MYH6: variants seen among roughly 807,000 people sequenced by gnomAD.
The protein encoded by MYH6 is myosin heavy chain 6.
MYH6 carries 126 observed loss-of-function variants against 223.2 expected under a neutral mutation model. The ratio of observed to expected loss-of-function variants is 0.56; its 90% CI spans 0.49 to 0.65. The LOEUF (loss-of-function observed/expected upper bound fraction) is 0.65, where lower values mean the gene tolerates loss of function less well. Among genes scored for constraint, MYH6 ranks in the 30% least tolerant of loss-of-function variants. The pLI is 0.00. For synonymous variants in MYH6, 978 were observed against 1,010.2 expected (o/e 0.97, Z 0.61); for missense variants, 2,040 against 2,536.4 (o/e 0.80, Z 4.20).
In MYH6 at chr14:23,402,496, C is replaced by T. The variant is rs141083503; in HGVS notation, c.1109G>A (p.Arg370Gln). Residue 370 changes from arginine (R) to glutamine (Q), a missense_variant, in exon 12 of 39, where the codon CGG becomes CAG. Arg to Gln is a conservative substitution (Grantham distance 43). Around this residue, in one of 4 missense-constraint regions of MYH6, gnomAD observed 649 missense variants for 877.3 expected, o/e 0.74. Transcript: ENST00000405093. The part of the protein sequence containing the change: ...YGNMKFKQKQ[R>Q]EEQAEPDGTE... ...GCCGTCTGGCTCCGCCTGCTCCTCCCGCTGCTTCTGCTTGAACTTCATGTT... is the reference window on the plus strand; with the variant it reads ...GCCGTCTGGCTCCGCCTGCTCCTCCTGCTGCTTCTGCTTGAACTTCATGTT... The T allele has an allele frequency of 9.3e-6, 15 of 1,613,532 alleles. No homozygotes were observed. Among genetic ancestry groups the T allele is most frequent in the African/African-American group, 1.3e-5 (1 of 74,794 alleles).
intron 14 of MYH6, chr14:23,399,900 C>T: frequency 2.8e-6 from 1 of 360,470 alleles, no homozygotes; most frequent in Non-Finnish European, 5.4e-6. Context: ...TGGCTTATTT[C>T]TCAACCAACA....
intron 34 of MYH6, 76 bp from the exon 35 acceptor site, chr14:23,385,117 G>T: frequency 6.3e-7 from 1 of 1,587,160 alleles, no homozygotes; most frequent in East Asian, 2.2e-5. Flanking sequence ...TCTCCAGAAA[G>T]AATTAAAGGT....
rs773772551 is a variant in MYH6, at chr14:23,397,081, C to T, written c.2051-1G>A. On this transcript the variant is annotated splice_acceptor_variant, in intron 17 of 38. Transcript: ENST00000405093. LOFTEE classifies it high-confidence loss of function. The stretch of plus-strand genomic sequence containing the variant: ...ATGACCAGGGGGTTGTCCATCACCC[C>T]TGTGTCAGGAGGGAAGGGGAAAGGG... 1.4e-5 allele frequency: 22 copies of T among 1,614,114 alleles called. No homozygotes were observed. The highest frequency in any genetic ancestry group is 2.7e-5 in the African/African-American group (2 of 74,936).
At chr14:23,385,111 C>A (rs1024538309) in intron 34 of MYH6, 70 bp from the exon 35 acceptor site, 1 of 1,601,426 alleles carries the variant, frequency 6.2e-7, no homozygotes, top group Non-Finnish European at 8.5e-7. Context: ...ACCCTTTCTC[C>A]AGAAAGAATT....
At chr14:23,388,079 T>C in intron 30 of MYH6, 76 bp downstream of exon 30, 2 of 1,610,504 alleles carry the variant, frequency 1.2e-6, no homozygotes, top group South Asian at 1.1e-5. Context: ...TCCAAGGAGG[T>C]TGCCTTTGGC....
chr14:23,386,649 G>GGC, intron 32 of MYH6, 26 bp from the exon 33 acceptor site: 18 of 1,240,062 alleles, frequency 1.5e-5, no homozygotes, highest in Non-Finnish European at 1.7e-5. Flanking sequence ...GCGAGGGCGG[G>GGC]CAGACAGGGC....
At chr14:23,398,677 C>G in intron 15 of MYH6, 51 bp downstream of exon 15, 1 of 1,595,982 alleles carries the variant, frequency 6.3e-7, no homozygotes, top group Non-Finnish European at 8.6e-7. Flanking sequence ...GGACCCTGGC[C>G]CTTTGTGTCT....
rs750029272 is a variant in MYH6 at position 23,405,659 on chromosome 14, G to T, written c.313C>A (p.Leu105Ile). 6.2e-6 allele frequency: 10 copies of T among 1,614,100 alleles called. No homozygotes were observed. The South Asian group carries it at 8.8e-5, about 14-fold the overall frequency. Residue 105 changes from leucine (L) to isoleucine (I), a missense_variant, in exon 4 of 39, where the codon CTC (leucine) becomes ATC (isoleucine). Coordinates refer to ENST00000405093, the MANE Select transcript of MYH6 (RefSeq NM_002471.4). The surrounding 1 kb of genome is among the most constrained non-coding windows in gnomAD (Gnocchi z 4.7). Reference sequence around the variant, plus strand: ...ATCCAGGCCGCGTAGCGCTCCTTGAGGTTGAAAAGCACCGCGGGCTCGTGC... The same window carrying T: ...ATCCAGGCCGCGTAGCGCTCCTTGATGTTGAAAAGCACCGCGGGCTCGTGC... ...FLHEPAVLFN[L>I]KERYAAWMIY...
At chr14:23,397,344 G>A (rs1891430289) in intron 16 of MYH6, 87 bp from the exon 17 acceptor site, 4 of 1,394,390 alleles carry the variant, frequency 2.9e-6, no homozygotes, top group Non-Finnish European at 4.1e-6. Flanking sequence ...CTCTCCACCA[G>A]AATCATCAAA....
chr14:23,388,884 G>C lies in MYH6; in HGVS notation c.4150C>G (p.Arg1384Gly). The C allele has an allele frequency of 2.5e-6, 4 of 1,613,768 alleles. No homozygotes were observed. The highest frequency in any genetic ancestry group is 3.4e-6 in the Non-Finnish European group (4 of 1,180,040). ...TTGGCCTCTTCGAGCTCCTCAGTCCGCTGAATGGCGTCCGTCTCATACTTG... is the reference window on the plus strand; with the variant it reads ...TTGGCCTCTTCGAGCTCCTCAGTCCCCTGAATGGCGTCCGTCTCATACTTG... Reference protein sequence around the residue: ...RTKYETDAIQRTEELEEAKKK... With the variant: ...RTKYETDAIQGTEELEEAKKK... The change falls in exon 29 of 39, where the codon CGG (arginine) becomes GGG (glycine). Residue 1384 changes from arginine (R) to glycine (G), a missense_variant. Arg to Gly is a moderately radical substitution (Grantham distance 125). This residue lies in a region of MYH6 where 1,203 missense variants were observed against 1,400.2 expected (regional missense o/e 0.86). Coordinates refer to ENST00000405093, the MANE Select transcript of MYH6 (RefSeq NM_002471.4).
At position 23,390,402 on chromosome 14, in the gene MYH6, G is replaced by A. The variant is rs759574705; in HGVS notation, c.3387C>T (p.Thr1129=). ...GCAGCTTCTCCACCTTAGCCCTGGCGGTGCGCTCGGCCTCCAGCTCCTCCT... is the reference window on the plus strand; with the variant it reads ...GCAGCTTCTCCACCTTAGCCCTGGCAGTGCGCTCGGCCTCCAGCTCCTCCT... The part of the protein sequence containing the change: ...ELEEELEAER[T]ARAKVEKLRS... Residue 1129 remains threonine, a synonymous_variant, in exon 26 of 39, where the codon ACC becomes ACT. Transcript: ENST00000405093. The A allele has an allele frequency of 6.8e-6, 11 of 1,610,796 alleles. No individual in the cohort carries two copies. The highest frequency in any genetic ancestry group is 1.3e-5 in the African/African-American group (1 of 74,808).
intron 36 of MYH6, among the ~76,000 whole-genome samples, chr14:23,383,602 T>C (rs1890927959): frequency 1.3e-5 from 2 of 152,244 alleles, no homozygotes; most frequent in South Asian, 2.1e-4. Flanking sequence ...TGTGGTAATA[T>C]AAAAGCACCA....
Position 23,398,779 on chromosome 14 carries a change from A to C in MYH6, c.1840T>G (p.Ser614Ala), listed in dbSNP as rs780968464. 2 of 1,614,030 alleles carry C rather than the reference A, an allele frequency of 1.2e-6. No homozygotes were observed. Among genetic ancestry groups the C allele is most frequent in the African/African-American group, 2.7e-5 (2 of 74,902 alleles). The change falls in exon 15 of 39, where the codon TCC becomes GCC. Residue 614 changes from serine to alanine, a missense_variant. Physicochemically the swap from Ser to Ala is moderately conservative, Grantham distance 99. Transcript: ENST00000405093. Reference protein sequence around the residue: ...ETVVALYQKSSLKLMATLFSS... With the variant: ...ETVVALYQKSALKLMATLFSS... Reference sequence around the variant, plus strand: ...AAGAGAGTGGCCATGAGCTTGAGGGAGGACTTCTGGTACAGGGCCACAACA... The same window carrying C: ...AAGAGAGTGGCCATGAGCTTGAGGGCGGACTTCTGGTACAGGGCCACAACA...
chr14:23,405,321 T>C lies in MYH6; in HGVS notation c.404A>G (p.Asn135Ser), dbSNP rs763885051. 1.2e-5 allele frequency: 19 copies of C among 1,613,986 alleles called. No individual in the cohort carries two copies. The highest frequency in any genetic ancestry group is 1.1e-4 in the East Asian group (5 of 44,890). Residue 135 changes from asparagine to serine, a missense_variant, in exon 5 of 39, where the codon AAT becomes AGT. By Grantham distance (46) the Asn-to-Ser change is conservative. Transcript: ENST00000405093. This position sits in a 1 kb window ranked among gnomAD's most constrained non-coding sequence, Gnocchi z 4.7. Reference protein sequence around the residue: ...VNPYKWLPVYNAEVVAAYRGK... With the variant: ...VNPYKWLPVYSAEVVAAYRGK... Reference sequence around the variant, plus strand: ...CCGGTAGGCGGCCACCACCTCGGCATTGTACACCGGCAGCCACTTGTAGGG... The same window carrying C: ...CCGGTAGGCGGCCACCACCTCGGCACTGTACACCGGCAGCCACTTGTAGGG...
rs573517144 is a variant in MYH6 at position 23,397,627 on chromosome 14, G to A, written c.1892-14C>T. On this transcript the variant is annotated splice_polypyrimidine_tract_variant and intron_variant, in intron 15 of 38. Coordinates refer to ENST00000405093, the MANE Select transcript of MYH6 (RefSeq NM_002471.4). The stretch of plus-strand genomic sequence containing the variant: ...TACCACTGTCCCCTAAACAGCGAGA[G>A]GAGAAATAATCAACAGGAGCTGGAA... The A allele has an allele frequency of 5.9e-5, 96 of 1,613,832 alleles. No homozygotes were observed. In the South Asian group the frequency reaches 6.5e-4, roughly 11 times the overall value.
At position 23,393,910 on chromosome 14, in the gene MYH6, T is replaced by A; in HGVS notation, c.2686-2A>T. ...AGCATCATTGAGGTTGTCTTGTTCC[T>A]GGGAGAAGAGAACAGGGAGGAAGCT... On this transcript the variant is annotated splice_acceptor_variant, in intron 21 of 38. Coordinates refer to ENST00000405093, the MANE Select transcript of MYH6 (RefSeq NM_002471.4). LOFTEE classifies it high-confidence loss of function. The A allele has an allele frequency of 6.2e-7, 1 of 1,614,160 alleles. No individual in the cohort carries two copies. The highest frequency in any genetic ancestry group is 8.5e-7 in the Non-Finnish European group (1 of 1,180,032).
At chr14:23,397,953 T>TTCTTCCTCTTCTTCTTCTTCTTCC (rs1566512452) in intron 15 of MYH6, among the ~76,000 whole-genome samples, 2 of 90,794 alleles carry the variant, frequency 2.2e-5, no homozygotes, top group African/African-American at 1.0e-4. Context: ...CTTCTTCTTC[T>TTCTTCCTCTTCTTCTTCTTCTTCC]TCTTCTTCTT....
chr14:23,406,888 A>C, intron 3 of MYH6, 135 bp downstream of exon 3: 2 of 1,007,840 alleles, frequency 2.0e-6, no homozygotes, highest in Non-Finnish European at 3.1e-6. Context: ...GGGCTCCTCA[A>C]AGGAGCATGT....
Position 23,396,412 on chromosome 14 carries a change from G to A in MYH6, c.2301C>T (p.Phe767=), listed in dbSNP as rs1377716084. 1.2e-6 allele frequency: 2 copies of A among 1,613,770 alleles called. No individual in the cohort carries two copies. The highest frequency in any genetic ancestry group is 1.7e-6 in the Non-Finnish European group (2 of 1,180,050). ...QYKFGHTKVF[F]KAGLLGLLEE... ...CCAGCAGCCCAAGCAGCCCTGCCTTGAAGAACACCTGCAGGCAAGGGGTAG... is the reference window on the plus strand; with the variant it reads ...CCAGCAGCCCAAGCAGCCCTGCCTTAAAGAACACCTGCAGGCAAGGGGTAG... Residue 767 remains phenylalanine (F), a synonymous_variant, in exon 20 of 39, where the codon TTC becomes TTT. Transcript: ENST00000405093.
Sources: allele counts gnomAD v4.1 joint callset (sites outside exome capture counted in the v4.1 genomes callset), GRCh38; gene constraint gnomAD v4.1.1; regional missense constraint gnomAD v4.1.1; non-coding constraint Gnocchi (gnomAD v3.1); transcripts MANE v1.5; gene names NCBI Gene and HGNC (gene_info 2026-07-23, HGNC 2026-07-21).